MGAT4C: variants seen among roughly 807,000 people sequenced by gnomAD.
MGAT4C encodes the protein alpha-1,3-mannosyl-glycoprotein 4-beta-N-acetylglucosaminyltransferase C.
MGAT4C carries 19 observed loss-of-function variants against 40.1 expected under a neutral mutation model. That is an observed-to-expected ratio of 0.47 (90% CI 0.33 to 0.70). The LOEUF is 0.70. Among genes scored for constraint, MGAT4C ranks in the 30% least tolerant of loss-of-function variants. MGAT4C has a pLI of 0.02. For missense variants in MGAT4C, 491 were observed against 563.2 expected (o/e 0.87, Z 1.30); for synonymous variants, 181 against 187.1 (o/e 0.97, Z 0.27).
intron 1 of MGAT4C, among the ~76,000 whole-genome samples, chr12:86,229,014 G>T (rs1951209343): frequency 6.6e-6 from 1 of 151,786 alleles, no homozygotes; most frequent in Admixed American, 6.6e-5. Flanking sequence ...AAAATAATTA[G>T]TTTGATGCTT....
At chr12:86,118,342 TGGGA>T (rs541429957) in intron 1 of MGAT4C, among the ~76,000 whole-genome samples, 112 of 152,272 alleles carry the variant, frequency 7.4e-4, no homozygotes, top group African/African-American at 2.5e-3. Flanking sequence ...CAAAAAATTC[TGGGA>T]GGGAGGCATT....
chr12:86,194,494 G>A (rs529957579), intron 1 of MGAT4C, among the ~76,000 whole-genome samples: 12 of 149,638 alleles, frequency 8.0e-5, no homozygotes, highest in East Asian at 2.0e-4. Context: ...CACTCTTGTC[G>A]CCCAGGCTGG....
intron 2 of MGAT4C, among the ~76,000 whole-genome samples, chr12:86,606,133 GA>G (rs780463481): frequency 1.4e-4 from 21 of 152,066 alleles, no homozygotes; most frequent in Admixed American, 1.3e-3. Flanking sequence ...CAGCATGGGG[GA>G]AACCACCCCC....
In MGAT4C at chr12:85,980,085, G is replaced by A. The variant is rs1884381146; in HGVS notation, c.641C>T (p.Ala214Val). ...VDYAFLLNFC[A>V]NTSDYYVMLE... Reference sequence around the variant, plus strand: ...CATTACATAATAGTCTGAAGTATTGGCACAAAAATTAAGCAGAAAAGCATA... The same window carrying A: ...CATTACATAATAGTCTGAAGTATTGACACAAAAATTAAGCAGAAAAGCATA... Residue 214 changes from alanine to valine, a missense_variant, in exon 5 of 5, where the codon GCC (alanine) becomes GTC (valine). Ala to Val is a moderately conservative substitution (Grantham distance 64, BLOSUM62 0). Coordinates refer to ENST00000611864, the MANE Select transcript of MGAT4C (RefSeq NM_001351288.2). 1.2e-6 allele frequency: 2 copies of A among 1,613,510 alleles called. No homozygotes were observed. The highest frequency in any genetic ancestry group is 3.3e-5 in the Admixed American group (2 of 59,926).
chr12:86,034,580 T>TA (rs397739535), intron 2 of MGAT4C, among the ~76,000 whole-genome samples: 1 of 148,514 alleles, frequency 6.7e-6, no homozygotes, highest in East Asian at 1.9e-4. Context: ...TTGTTTTTTT[T>TA]AAATTTTTTT....
chr12:86,122,112 CTAT>C (rs1220314992), intron 1 of MGAT4C, among the ~76,000 whole-genome samples: 1 of 152,076 alleles, frequency 6.6e-6, no homozygotes, highest in Admixed American at 6.6e-5. Context: ...TGTTGACATA[CTAT>C]GTCATTGTTA....
At chr12:86,012,561 C>T (rs2136824214) in intron 2 of MGAT4C, among the ~76,000 whole-genome samples, 1 of 151,586 alleles carries the variant, frequency 6.6e-6, no homozygotes, top group South Asian at 2.1e-4. Context: ...GCCAACATGG[C>T]AGAACCCCAT....
At chr12:86,453,683 G>C (rs1957463346) in intron 2 of MGAT4C, among the ~76,000 whole-genome samples, 1 of 152,060 alleles carries the variant, frequency 6.6e-6, no homozygotes, top group Admixed American at 6.6e-5. Context: ...GGAGGGACAA[G>C]TCTCCTCCAG....
chr12:86,703,637 TG>T (rs1428701757), intron 2 of MGAT4C, among the ~76,000 whole-genome samples: 1 of 152,194 alleles, frequency 6.6e-6, no homozygotes, highest in African/African-American at 2.4e-5. Context: ...TAGACTACAG[TG>T]TAGTAGAAAA....
At chr12:86,046,839 C>T (rs1265501433) in intron 2 of MGAT4C, among the ~76,000 whole-genome samples, 2 of 152,260 alleles carry the variant, frequency 1.3e-5, no homozygotes, top group Non-Finnish European at 1.5e-5. Flanking sequence ...AGGTATGACA[C>T]TCCAGCAGTC....
chr12:86,462,718 A>G (rs1957619839), intron 2 of MGAT4C, among the ~76,000 whole-genome samples: 2 of 152,152 alleles, frequency 1.3e-5, no homozygotes, highest in African/African-American at 2.4e-5. Flanking sequence ...AAGTCCAAGA[A>G]TCCAAAAGCT....
intron 1 of MGAT4C, among the ~76,000 whole-genome samples, chr12:86,834,384 G>A (rs1952995353): frequency 1.3e-5 from 2 of 151,788 alleles, no homozygotes; most frequent in East Asian, 3.9e-4. Flanking sequence ...GAAAGTAGGT[G>A]AGCACAAATC....
At chr12:85,989,060 A>G (rs1418383922) in intron 3 of MGAT4C, among the ~76,000 whole-genome samples, 1 of 152,064 alleles carries the variant, frequency 6.6e-6, no homozygotes, top group Non-Finnish European at 1.5e-5. Flanking sequence ...TATACTTTCT[A>G]AGCAGATTTT....
chr12:86,513,454 T>C (rs1419960455), intron 2 of MGAT4C, among the ~76,000 whole-genome samples: 15 of 152,184 alleles, frequency 9.9e-5, no homozygotes, highest in Admixed American at 9.8e-4. Context: ...GCTTCTCTTC[T>C]TGCACGCTAA....
At chr12:86,336,533 A>G (rs1954796190) in intron 3 of MGAT4C, among the ~76,000 whole-genome samples, 1 of 152,162 alleles carries the variant, frequency 6.6e-6, no homozygotes, top group Admixed American at 6.6e-5. Flanking sequence ...TATTTAAAGG[A>G]CAGTGATAAT....
chr12:86,321,845 C>A (rs1954397005), intron 4 of MGAT4C, among the ~76,000 whole-genome samples: 1 of 152,048 alleles, frequency 6.6e-6, no homozygotes, highest in African/African-American at 2.4e-5. Context: ...ACTAGAAATA[C>A]CATTTGACCC....
intron 2 of MGAT4C, among the ~76,000 whole-genome samples, chr12:86,493,936 T>C (rs1201035641): frequency 1.3e-5 from 2 of 152,090 alleles, no homozygotes; most frequent in South Asian, 2.1e-4. Flanking sequence ...TCTGAAAATG[T>C]TGCGATTTTT....
chr12:86,510,744 A>G (rs1958563629), intron 2 of MGAT4C, among the ~76,000 whole-genome samples: 1 of 152,212 alleles, frequency 6.6e-6, no homozygotes, highest in Admixed American at 6.5e-5. Context: ...GAGACAAAGA[A>G]GGCCATTATA....
At chr12:86,552,041 A>C (rs1389883845) in intron 2 of MGAT4C, among the ~76,000 whole-genome samples, 4 of 151,404 alleles carry the variant, frequency 2.6e-5, no homozygotes, top group Admixed American at 6.6e-5. Context: ...AAAAAAAAAA[A>C]ACCAAAAAAC....
Sources: gnomAD v4.1 joint callset for allele counts (sites outside exome capture counted in the v4.1 genomes callset) on GRCh38, gnomAD v4.1.1 for gene constraint, MANE v1.5 for transcripts, NCBI Gene and HGNC (gene_info 2026-07-23, HGNC 2026-07-21) for gene names.